Variants in CHRM3 observed in about 807,000 individuals in gnomAD.
CHRM3 encodes cholinergic receptor muscarinic 3.
A neutral mutation model predicts 41.8 loss-of-function variants in CHRM3; 11 were observed. That is an observed-to-expected ratio of 0.26 (90% confidence interval 0.17 to 0.44). The LOEUF (loss-of-function observed/expected upper bound fraction) is 0.44, where lower values mean the gene tolerates loss of function less well. Among genes scored for constraint, CHRM3 ranks in the 20% least tolerant of loss-of-function variants. The pLI, the probability that CHRM3 is intolerant of heterozygous loss-of-function variation, is 1.00. For synonymous variants in CHRM3, 297 were observed against 301.4 expected (o/e 0.99, Z 0.15); for missense variants, 571 against 745.4 (o/e 0.77, Z 2.72).
chr1:239,757,026 C>T (rs1184648624), intron 5 of CHRM3, among the ~76,000 whole-genome samples: 2 of 152,126 alleles, frequency 1.3e-5, no homozygotes, highest in African/African-American at 2.4e-5. Context: ...AAATAGACCA[C>T]GTATCCTGCT....
At chr1:239,566,925 C>T (rs968925396) in intron 3 of CHRM3, among the ~76,000 whole-genome samples, 1 of 152,024 alleles carries the variant, frequency 6.6e-6, no homozygotes, top group African/African-American at 2.4e-5. Flanking sequence ...CAGAAATTTA[C>T]CAAATTAGAG....
At chr1:239,543,653 G>A (rs1167815754) in intron 2 of CHRM3, among the ~76,000 whole-genome samples, 2 of 151,828 alleles carry the variant, frequency 1.3e-5, no homozygotes, top group South Asian at 2.1e-4. Context: ...GACTACAGGC[G>A]CCCACCACCA....
At chr1:239,540,037 T>A (rs10802773) in intron 2 of CHRM3, among the ~76,000 whole-genome samples, 110,148 of 152,078 alleles carry the variant, frequency 0.72, 43,281 homozygotes, top group East Asian at 0.88. Context: ...AAAGCCTAGG[T>A]GCAATAGGGT....
chr1:239,422,442 G>A (rs191296281), intron 1 of CHRM3, among the ~76,000 whole-genome samples: 1 of 151,996 alleles, frequency 6.6e-6, no homozygotes, highest in African/African-American at 2.4e-5. Flanking sequence ...AATATGAATT[G>A]CAGTTTTATT....
intron 6 of CHRM3, chr1:239,886,129 GAGA>G (rs549772866): frequency 9.9e-5 from 15 of 152,218 alleles, no homozygotes; most frequent in Non-Finnish European, 1.9e-4. Context: ...TGAGAAAGTA[GAGA>G]AGAAAAGAAT....
chr1:239,771,178 T>G (rs1667633797), intron 5 of CHRM3, among the ~76,000 whole-genome samples: 1 of 152,142 alleles, frequency 6.6e-6, no homozygotes, highest in East Asian at 1.9e-4. Context: ...GTGAATAAGT[T>G]ACCCAAACTT....
At chr1:239,696,190 G>A (rs988231) in intron 5 of CHRM3, among the ~76,000 whole-genome samples, 84,552 of 151,976 alleles carry the variant, frequency 0.56, 24,126 homozygotes, top group African/African-American at 0.67. Flanking sequence ...GATGGAAATA[G>A]TGATAGCTGT....
At chr1:239,547,251 C>A (rs2148419728) in intron 3 of CHRM3, among the ~76,000 whole-genome samples, 1 of 152,212 alleles carries the variant, frequency 6.6e-6, no homozygotes, top group Admixed American at 6.5e-5. Context: ...AGGTTGCAAC[C>A]CAGTTCCACC....
At chr1:239,395,870 C>T (rs1252827197) in intron 1 of CHRM3, among the ~76,000 whole-genome samples, 1 of 152,210 alleles carries the variant, frequency 6.6e-6, no homozygotes, top group Non-Finnish European at 1.5e-5. Context: ...TTCTCCTACC[C>T]TTGAACACCT....
At chr1:239,826,769 T>A (rs1672495243) in intron 5 of CHRM3, 1 of 152,116 alleles carries the variant, frequency 6.6e-6, no homozygotes, top group Non-Finnish European at 1.5e-5. Flanking sequence ...TGCCTCAATC[T>A]GCTGAGGGAA....
chr1:239,572,524 T>A (rs1661920412), intron 3 of CHRM3, among the ~76,000 whole-genome samples: 1 of 152,214 alleles, frequency 6.6e-6, no homozygotes, highest in Non-Finnish European at 1.5e-5. Flanking sequence ...TTCCGGCTAA[T>A]GTCCATCACA....
chr1:239,773,635 C>T (rs550489708), intron 5 of CHRM3, among the ~76,000 whole-genome samples: 2 of 152,262 alleles, frequency 1.3e-5, no homozygotes, highest in South Asian at 4.1e-4. Context: ...TCTTATAATT[C>T]TGAAAAGGAA....
intron 1 of CHRM3, among the ~76,000 whole-genome samples, chr1:239,456,131 T>C (rs1664916377): frequency 6.6e-6 from 1 of 152,178 alleles, no homozygotes; most frequent in Non-Finnish European, 1.5e-5. Flanking sequence ...GATACTTTTT[T>C]TGAGAGGCCT....
At chr1:239,414,819 G>A (rs1418847626) in intron 1 of CHRM3, among the ~76,000 whole-genome samples, 2 of 152,156 alleles carry the variant, frequency 1.3e-5, no homozygotes, top group African/African-American at 4.8e-5. Flanking sequence ...CTTTGATACA[G>A]AATAATTTAT....
At chr1:239,725,071 A>T (rs2148370424) in intron 5 of CHRM3, among the ~76,000 whole-genome samples, 1 of 152,020 alleles carries the variant, frequency 6.6e-6, no homozygotes, top group South Asian at 2.1e-4. Context: ...GCACCTTAGG[A>T]TGGTGTTATC....
intron 1 of CHRM3, among the ~76,000 whole-genome samples, chr1:239,468,601 A>G (rs1317314587): frequency 6.6e-6 from 1 of 152,180 alleles, no homozygotes; most frequent in African/African-American, 2.4e-5. Context: ...TAGATGGTGC[A>G]CTCAAGTATT....
intron 4 of CHRM3, among the ~76,000 whole-genome samples, chr1:239,642,600 T>G (rs1044433388): frequency 6.6e-6 from 1 of 152,224 alleles, no homozygotes; most frequent in African/African-American, 2.4e-5. Flanking sequence ...TTCTCGAGCC[T>G]TGGCTTTCAG....
At chr1:239,402,625 C>T (rs1346162501) in intron 1 of CHRM3, among the ~76,000 whole-genome samples, 5 of 152,138 alleles carry the variant, frequency 3.3e-5, no homozygotes, top group Non-Finnish European at 7.3e-5. Flanking sequence ...ACCACACTTC[C>T]AAATTTATTC....
intron 3 of CHRM3, among the ~76,000 whole-genome samples, chr1:239,631,169 C>T (rs1434240169): frequency 2.6e-5 from 4 of 152,164 alleles, no homozygotes; most frequent in Non-Finnish European, 5.9e-5. Context: ...CATATTAATA[C>T]TTTTAAAAGA....
Sources: gnomAD v4.1 joint callset for allele counts (sites outside exome capture counted in the v4.1 genomes callset) on GRCh38, gnomAD v4.1.1 for gene constraint, MANE v1.5 for transcripts, NCBI Gene and HGNC (gene_info 2026-07-23, HGNC 2026-07-21) for gene names.